Variants in ANKDD1B observed in about 807,000 individuals in gnomAD.
The protein encoded by ANKDD1B is ankyrin repeat and death domain-containing protein 1B.
Under a neutral mutation model 59.7 loss-of-function variants are expected in ANKDD1B, and 57 were observed. The ratio of observed to expected loss-of-function variants is 0.95; its 90% CI spans 0.77 to 1.19. ANKDD1B has a LOEUF of 1.19. Ranked by LOEUF, ANKDD1B falls within the 50% of genes most tolerant of loss-of-function variation. ANKDD1B has a pLI of 0.00. For synonymous variants in ANKDD1B, 216 were observed against 239.5 expected, an observed-to-expected ratio of 0.90 and a Z score of 0.91; for missense variants, 602 against 641.9, an observed-to-expected ratio of 0.94 and a Z score of 0.67.
intron 2 of ANKDD1B, among the ~76,000 whole-genome samples, chr5:75,619,566 T>A (rs1773794164): frequency 6.6e-6 from 1 of 152,238 alleles, no homozygotes; most frequent in African/African-American, 2.4e-5. Flanking sequence ...TTTTTATTAT[T>A]TATGTATAAC....
rs889136046 is a variant in ANKDD1B at position 75,662,610 on chromosome 5, G to C, written c.1096-784G>C. Among the ~76,000 whole-genome samples the C allele has an allele frequency of 2.0e-5, 3 of 152,260 alleles. No individual in the cohort carries two copies. The South Asian group carries it at 6.2e-4, about 32-fold the overall frequency. ...GCTCAGGGAAAAATATTTAGATGTT[G>C]AAGTGGTGCACTCTATGAAATCCAG... On this transcript the variant is annotated intron_variant, in intron 10 of 13. Transcript: ENST00000601380.
rs1043332800 is a variant in ANKDD1B, at chr5:75,671,822, G to A, written c.*782G>A. 3.9e-5 allele frequency: 5 copies of A among 129,728 alleles called. No homozygotes were observed. Among genetic ancestry groups the A allele is most frequent in the Non-Finnish European group, 8.4e-5 (5 of 59,374 alleles). 8.0% of individuals were successfully genotyped at this position (129,728 alleles called of 1,614,324 possible). A position where few individuals can be genotyped will look rare whatever the true frequency, so the allele number is the denominator to read the frequency against. The stretch of plus-strand genomic sequence containing the variant: ...ATTATTTTTGTAATCTAAGAGTTAT[G>A]AAATAAATGTAAAATTGAGTGTCAG... On this transcript the variant is annotated 3_prime_UTR_variant, in exon 14 of 14. Coordinates refer to ENST00000601380, the MANE Select transcript of ANKDD1B (RefSeq NM_001276713.2).
At chr5:75,629,752 A>G (rs1352352867) in intron 5 of ANKDD1B, among the ~76,000 whole-genome samples, 2 of 152,076 alleles carry the variant, frequency 1.3e-5, no homozygotes, top group Non-Finnish European at 2.9e-5. Flanking sequence ...CCTGGGAAGC[A>G]TGGTGAAAAC....
intron 10 of ANKDD1B, among the ~76,000 whole-genome samples, chr5:75,660,912 A>G (rs1273111046): frequency 1.3e-5 from 2 of 151,920 alleles, no homozygotes; most frequent in African/African-American, 4.8e-5. Flanking sequence ...TCCCTTCCTT[A>G]TTTTTACCCA....
intron 3 of ANKDD1B, 68 bp from the exon 4 acceptor site, chr5:75,625,579 T>C (rs1376194209): frequency 8.2e-7 from 1 of 1,221,490 alleles, no homozygotes; most frequent in Non-Finnish European, 1.1e-6. Context: ...TGGCCTTTGT[T>C]GATGAGGCAG....
Position 75,612,168 on chromosome 5 carries a change from C to T in ANKDD1B, c.193+341C>T, listed in dbSNP as rs902377297. ...CGTGACTCATGCTCCGATTTATTGT[C>T]TGACTTTAAATAAGTCAGTCACTTA... is the stretch of plus-strand genomic sequence containing the variant. On this transcript the variant is annotated intron_variant, in intron 1 of 13. Coordinates refer to ENST00000601380, the MANE Select transcript of ANKDD1B (RefSeq NM_001276713.2). 3.3e-5 allele frequency among the ~76,000 whole-genome samples: 5 copies of T among 152,228 alleles called. No individual in the cohort carries two copies. The South Asian group carries it at 1.0e-3, about 32-fold the overall frequency.
chr5:75,620,944 C>G (rs1379641269), intron 3 of ANKDD1B, among the ~76,000 whole-genome samples: 4 of 152,188 alleles, frequency 2.6e-5, no homozygotes, highest in African/African-American at 9.7e-5. Flanking sequence ...TGTGGTCTCC[C>G]CGCTCTGCTG....
At chr5:75,618,323 G>A (rs1773765547) in intron 2 of ANKDD1B, among the ~76,000 whole-genome samples, 2 of 152,096 alleles carry the variant, frequency 1.3e-5, no homozygotes, top group Admixed American at 1.3e-4. Flanking sequence ...CAAGTAGCAG[G>A]AAATAGATTC....
chr5:75,624,270 A>G lies in ANKDD1B; in HGVS notation c.397-1377A>G, dbSNP rs79508874. 1.1e-3 allele frequency among the ~76,000 whole-genome samples: 167 copies of G among 152,294 alleles called. 1 individual carries two copies. In the East Asian group the frequency reaches 0.028, roughly 25 times the overall value. On this transcript the variant is annotated intron_variant, in intron 3 of 13. Coordinates refer to ENST00000601380, the MANE Select transcript of ANKDD1B (RefSeq NM_001276713.2). ...GATCCCCGTACTTGAAAGTGATAGA[A>G]AGTGACCAGAATTTGAGATTAGTTC...
chr5:75,658,247 T>A (rs954050210), intron 9 of ANKDD1B, among the ~76,000 whole-genome samples: 4 of 152,078 alleles, frequency 2.6e-5, no homozygotes, highest in Non-Finnish European at 4.4e-5. Flanking sequence ...TTTGGTAATA[T>A]CCCCAGCATA....
intron 5 of ANKDD1B, among the ~76,000 whole-genome samples, chr5:75,629,981 C>A (rs1774105377): frequency 6.6e-6 from 1 of 152,100 alleles, no homozygotes; most frequent in African/African-American, 2.4e-5. Flanking sequence ...AAAAAAAGAA[C>A]AGGAATCCTG....
chr5:75,635,059 G>A, intron 6 of ANKDD1B, 63 bp downstream of exon 6: 5 of 1,090,438 alleles, frequency 4.6e-6, no homozygotes, highest in Non-Finnish European at 6.7e-6. Flanking sequence ...TTGATGTAGA[G>A]GGGTAACAAT....
intron 7 of ANKDD1B, among the ~76,000 whole-genome samples, chr5:75,638,882 T>A (rs1774386893): frequency 6.6e-6 from 1 of 152,228 alleles, no homozygotes; most frequent in African/African-American, 2.4e-5. Context: ...CTGCCCCAAA[T>A]TCACTTAACT....
At chr5:75,635,984 A>G (rs1774291909) in intron 7 of ANKDD1B, 102 bp downstream of exon 7, 3 of 648,534 alleles carry the variant, frequency 4.6e-6, no homozygotes, top group Admixed American at 5.5e-5. Flanking sequence ...TGTTAGTGCC[A>G]TGGAGTGTAA....
intron 8 of ANKDD1B, among the ~76,000 whole-genome samples, chr5:75,655,171 C>T (rs1203638590): frequency 2.0e-5 from 3 of 152,182 alleles, no homozygotes; most frequent in Non-Finnish European, 4.4e-5. Context: ...GGGGTAGATA[C>T]AGGCCCTGTG....
chr5:75,622,447 C>A (rs984545065), intron 3 of ANKDD1B, among the ~76,000 whole-genome samples: 1 of 152,170 alleles, frequency 6.6e-6, no homozygotes, highest in Non-Finnish European at 1.5e-5. Flanking sequence ...ACTGTACCAG[C>A]TGAGTACCAT....
chr5:75,628,347 C>T (rs1337843153), intron 5 of ANKDD1B, among the ~76,000 whole-genome samples: 2 of 152,140 alleles, frequency 1.3e-5, no homozygotes, highest in Non-Finnish European at 2.9e-5. Flanking sequence ...CTGAGCTATA[C>T]ACTTAATAAT....
intron 7 of ANKDD1B, among the ~76,000 whole-genome samples, chr5:75,642,160 T>C (rs1774486890): frequency 6.6e-6 from 1 of 152,282 alleles, no homozygotes; most frequent in South Asian, 2.1e-4. Context: ...ATCAAAGTAG[T>C]GTGAGTTGAT....
intron 3 of ANKDD1B, among the ~76,000 whole-genome samples, chr5:75,622,305 G>C (rs1299395304): frequency 6.6e-6 from 1 of 152,124 alleles, no homozygotes; most frequent in African/African-American, 2.4e-5. Context: ...AGGATCTCAG[G>C]CCCCACCCCA....
Sources: gnomAD v4.1 joint callset for allele counts (sites outside exome capture counted in the v4.1 genomes callset) on GRCh38, gnomAD v4.1.1 for gene constraint, MANE v1.5 for transcripts, NCBI Gene and HGNC (gene_info 2026-07-23, HGNC 2026-07-21) for gene names.